Variants in FGD4 observed in about 807,000 individuals in gnomAD.
FGD4 encodes FYVE, RhoGEF and PH domain containing 4.
Under a neutral mutation model 102.0 loss-of-function variants are expected in FGD4, and 42 were observed. That is an observed-to-expected ratio of 0.41 (90% confidence interval 0.32 to 0.53). FGD4 has a LOEUF of 0.53. Ranked by LOEUF, FGD4 falls within the 20% of genes least tolerant of loss-of-function variation. The probability of loss-of-function intolerance (pLI) is 0.21; values close to 1 mark genes in which losing one functional copy is unlikely to be tolerated. For synonymous variants in FGD4, 380 were observed against 375.7 expected (o/e 1.01, Z -0.13); for missense variants, 902 against 1,078.2 (o/e 0.84, Z 2.29).
At chr12:32,585,635 G>A (rs1044334878) in intron 4 of FGD4, among the ~76,000 whole-genome samples, 2 of 151,900 alleles carry the variant, frequency 1.3e-5, no homozygotes, top group Non-Finnish European at 2.9e-5. Context: ...AGGAGTTTGA[G>A]ACCAACCTGG....
At chr12:32,511,963 C>T (rs983079075) in intron 1 of FGD4, 6 of 152,084 alleles carry the variant, frequency 3.9e-5, no homozygotes, top group African/African-American at 1.4e-4. Flanking sequence ...GAAGCTGATT[C>T]TTCCCCCTAT....
At chr12:32,408,849 T>C (rs1016724539) in intron 1 of FGD4, among the ~76,000 whole-genome samples, 4 of 152,178 alleles carry the variant, frequency 2.6e-5, no homozygotes, top group Admixed American at 6.5e-5. Context: ...ACCTGAGATA[T>C]CTTGATTTTC....
intron 1 of FGD4, among the ~76,000 whole-genome samples, chr12:32,453,217 TA>T (rs1942846793): frequency 8.5e-5 from 4 of 47,120 alleles, no homozygotes; most frequent in South Asian, 2.5e-3. Flanking sequence ...TATATATATA[TA>T]TAATATAGAT....
chr12:32,495,705 AAAAAAAAG>A (rs988976466), intron 1 of FGD4, among the ~76,000 whole-genome samples: 1 of 140,566 alleles, frequency 7.1e-6, no homozygotes, highest in African/African-American at 2.6e-5. Context: ...CAAAAAAAAA[AAAAAAAAG>A]AAGCTTTTCA....
At chr12:32,444,920 T>G (rs1942567688) in intron 1 of FGD4, among the ~76,000 whole-genome samples, 1 of 152,210 alleles carries the variant, frequency 6.6e-6, no homozygotes, top group Non-Finnish European at 1.5e-5. Flanking sequence ...TGGTGATTGA[T>G]ATTATTAATA....
chr12:32,568,958 A>G (rs1945413192), intron 2 of FGD4, among the ~76,000 whole-genome samples: 1 of 152,186 alleles, frequency 6.6e-6, no homozygotes, highest in South Asian at 2.1e-4. Context: ...TCTCAAATTT[A>G]GTGTATATGA....
chr12:32,464,420 T>G (rs528463625), intron 1 of FGD4, among the ~76,000 whole-genome samples: 1 of 152,320 alleles, frequency 6.6e-6, no homozygotes, highest in East Asian at 1.9e-4. Flanking sequence ...CCCAAAGTGC[T>G]AGGATTACAG....
intron 14 of FGD4, among the ~76,000 whole-genome samples, chr12:32,629,314 A>G (rs1407102408): frequency 6.6e-6 from 1 of 152,212 alleles, no homozygotes; most frequent in Non-Finnish European, 1.5e-5. Flanking sequence ...TTGACATAAG[A>G]AATAGAAAAA....
rs779531471 is a variant in FGD4 at position 32,624,481 on chromosome 12, TC to T, written c.1953+30del. The T allele has an allele frequency of 2.9e-5, 45 of 1,553,730 alleles. 1 individual carries two copies. Among genetic ancestry groups the T allele is most frequent in the African/African-American group, 2.0e-4 (14 of 68,996 alleles). On this transcript the variant is annotated intron_variant, in intron 12 of 16. Transcript: ENST00000534526. Reference sequence around the variant, plus strand: ...AGCCTCATTTCTGTTTCCTTTTCTTTCTTTTTTTTTTTGAGGCAGAGTCTCA... The same window carrying T: ...AGCCTCATTTCTGTTTCCTTTTCTTTTTTTTTTTTTTGAGGCAGAGTCTCA...
In FGD4 at chr12:32,571,252, T is replaced by G. The variant is rs554592803; in HGVS notation, c.320-5014T>G. Among the ~76,000 whole-genome samples, 23 of 152,190 alleles carry G rather than the reference T, an allele frequency of 1.5e-4. No individual in the cohort carries two copies. In the South Asian group the frequency reaches 3.9e-3, roughly 26 times the overall value. On this transcript the variant is annotated intron_variant, in intron 2 of 16. Transcript: ENST00000534526. The stretch of plus-strand genomic sequence containing the variant: ...GGCGGATCACCTGAGGTCGGGAGTT[T>G]GAGGCCAACCTGGCCAACATGGCAA...
At chr12:32,428,253 G>GC (rs1941918403) in intron 1 of FGD4, among the ~76,000 whole-genome samples, 1 of 152,146 alleles carries the variant, frequency 6.6e-6, no homozygotes, top group South Asian at 2.1e-4. Flanking sequence ...TGTAAGGCAG[G>GC]CCTGGTGGTG....
At chr12:32,632,768 C>G (rs1950570063) in intron 14 of FGD4, among the ~76,000 whole-genome samples, 1 of 148,506 alleles carries the variant, frequency 6.7e-6, no homozygotes, top group African/African-American at 2.5e-5. Flanking sequence ...AGTGCACTAG[C>G]ACTCCATCTA....
intron 1 of FGD4, among the ~76,000 whole-genome samples, chr12:32,436,365 A>G (rs983577193): frequency 6.6e-6 from 1 of 152,242 alleles, no homozygotes; most frequent in Admixed American, 6.5e-5. Context: ...AAGTGGCACA[A>G]GGAGACAAAA....
chr12:32,415,776 T>C (rs1723191925), intron 1 of FGD4, among the ~76,000 whole-genome samples: 1 of 152,238 alleles, frequency 6.6e-6, no homozygotes, highest in African/African-American at 2.4e-5. Flanking sequence ...ATCCTCTTGC[T>C]GAATGGACCC....
intron 1 of FGD4, among the ~76,000 whole-genome samples, chr12:32,402,208 G>C (rs1940702745): frequency 6.7e-6 from 1 of 150,228 alleles, no homozygotes; most frequent in Admixed American, 6.7e-5. Context: ...TTGGGAGACC[G>C]AGGGGGAGGA....
At chr12:32,408,165 ATT>A (rs35583015) in intron 1 of FGD4, among the ~76,000 whole-genome samples, 1,492 of 116,148 alleles carry the variant, frequency 0.013, 20 homozygotes, top group Middle Eastern at 0.04. Context: ...TGTCCAGCCA[ATT>A]TTTTTTTTTT....
At chr12:32,537,435 A>G (rs970213721) in intron 1 of FGD4, among the ~76,000 whole-genome samples, 2 of 152,068 alleles carry the variant, frequency 1.3e-5, no homozygotes, top group Admixed American at 1.3e-4. Context: ...TCCATTGTCT[A>G]CCTAACAGCC....
chr12:32,563,884 G>A lies in FGD4; in HGVS notation c.167-253G>A, dbSNP rs527761079. Among the ~76,000 whole-genome samples the A allele has an allele frequency of 2.4e-4, 37 of 152,194 alleles. 1 individual carries two copies. The South Asian group carries it at 7.0e-3, about 29-fold the overall frequency. ...GGCATGGCGGCGCGGGCATGTAATC[G>A]CAGGCACTCGGCAGGCTGAGGCAGG... On this transcript the variant is annotated intron_variant, in intron 1 of 16. Transcript: ENST00000534526.
intron 1 of FGD4, among the ~76,000 whole-genome samples, chr12:32,454,151 T>C (rs942869053): frequency 4.6e-5 from 7 of 152,144 alleles, no homozygotes; most frequent in African/African-American, 1.7e-4. Flanking sequence ...GGCACACTGA[T>C]AACGAGACAT....
Sources: allele counts gnomAD v4.1 joint callset (sites outside exome capture counted in the v4.1 genomes callset), GRCh38; gene constraint gnomAD v4.1.1; transcripts MANE v1.5; gene names NCBI Gene and HGNC (gene_info 2026-07-23, HGNC 2026-07-21).